RANBP17: variants seen among roughly 807,000 people sequenced by gnomAD.
The protein encoded by RANBP17 is RAN binding protein 17, also known as ran-binding protein 17.
In RANBP17, 158 loss-of-function variants were observed where a neutral mutation model predicts 141.2. The ratio of observed to expected loss-of-function variants is 1.12; its 90% CI spans 0.98 to 1.28. RANBP17 has a LOEUF of 1.28. Among genes scored for constraint, RANBP17 ranks in the 50% most tolerant of loss-of-function variants. RANBP17 has a pLI of 0.00. For synonymous variants in RANBP17, 430 were observed against 450.0 expected (o/e 0.96, Z 0.56); for missense variants, 1,438 against 1,290.7 (o/e 1.11, Z -1.75).
intron 1 of RANBP17, among the ~76,000 whole-genome samples, chr5:170,872,868 C>T (rs1767864183): frequency 6.6e-6 from 1 of 152,096 alleles, no homozygotes; most frequent in South Asian, 2.1e-4. Context: ...AGCTTTGCAT[C>T]CCAGGGATGA....
At chr5:171,087,365 A>G (rs1315689878) in intron 14 of RANBP17, among the ~76,000 whole-genome samples, 2 of 152,036 alleles carry the variant, frequency 1.3e-5, no homozygotes, top group East Asian at 3.9e-4. Flanking sequence ...ACATTTGCTG[A>G]GGAGAGCTTT....
At chr5:171,182,887 A>G (rs1289623783) in intron 16 of RANBP17, among the ~76,000 whole-genome samples, 1 of 152,188 alleles carries the variant, frequency 6.6e-6, no homozygotes, top group African/African-American at 2.4e-5. Context: ...TTAATTTTCC[A>G]CTATCAAGAC....
chr5:170,906,533 C>T (rs941775090), intron 5 of RANBP17, among the ~76,000 whole-genome samples: 3 of 151,952 alleles, frequency 2.0e-5, no homozygotes, highest in African/African-American at 7.2e-5. Flanking sequence ...AGATGGACTC[C>T]TCTGGGCTCA....
At chr5:171,133,844 G>A (rs1757092730) in intron 14 of RANBP17, among the ~76,000 whole-genome samples, 1 of 152,160 alleles carries the variant, frequency 6.6e-6, no homozygotes, top group African/African-American at 2.4e-5. Flanking sequence ...TCAGGTTGTG[G>A]CTGTGCATTG....
At chr5:171,153,525 T>A (rs1207508784) in intron 14 of RANBP17, among the ~76,000 whole-genome samples, 2 of 152,198 alleles carry the variant, frequency 1.3e-5, no homozygotes, top group Non-Finnish European at 2.9e-5. Context: ...TTCAATGTAA[T>A]GAGGCCCATG....
intron 12 of RANBP17, among the ~76,000 whole-genome samples, chr5:170,939,575 G>A (rs1774167055): frequency 6.6e-6 from 1 of 151,802 alleles, no homozygotes; most frequent in African/African-American, 2.4e-5. Flanking sequence ...TAGTAGAGAC[G>A]GAGTTTCGCC....
chr5:171,035,041 A>T (rs1015886941), intron 14 of RANBP17, among the ~76,000 whole-genome samples: 3 of 152,184 alleles, frequency 2.0e-5, no homozygotes, highest in East Asian at 1.9e-4. Context: ...TAAGAAAATT[A>T]AAAAAGAGTA....
At chr5:170,875,612 T>C (rs1768112319) in intron 1 of RANBP17, among the ~76,000 whole-genome samples, 1 of 152,214 alleles carries the variant, frequency 6.6e-6, no homozygotes, top group Non-Finnish European at 1.5e-5. Context: ...TTGATACTTG[T>C]GTATGCTTCA....
chr5:171,046,715 T>C (rs1489162362), intron 14 of RANBP17, among the ~76,000 whole-genome samples: 3 of 152,138 alleles, frequency 2.0e-5, no homozygotes, highest in African/African-American at 7.2e-5. Context: ...CACAAAATTA[T>C]ATGGTTGGAT....
chr5:171,192,733 A>C (rs1187195212), intron 18 of RANBP17, among the ~76,000 whole-genome samples: 2 of 152,172 alleles, frequency 1.3e-5, no homozygotes, highest in African/African-American at 4.8e-5. Flanking sequence ...CCTCAAAATG[A>C]GGCAAGTTTG....
At chr5:171,166,362 T>G (rs1200915912) in intron 14 of RANBP17, among the ~76,000 whole-genome samples, 1 of 152,146 alleles carries the variant, frequency 6.6e-6, no homozygotes, top group Non-Finnish European at 1.5e-5. Flanking sequence ...TCATTTTTCA[T>G]TGTGATGAGA....
At chr5:171,003,045 G>T (rs909499410) in intron 14 of RANBP17, among the ~76,000 whole-genome samples, 11 of 152,174 alleles carry the variant, frequency 7.2e-5, no homozygotes, top group African/African-American at 2.7e-4. Flanking sequence ...AGAGTGAGTT[G>T]AGCATAGTTT....
chr5:171,195,192 CTTA>C (rs1203958079), intron 18 of RANBP17, among the ~76,000 whole-genome samples: 1 of 152,000 alleles, frequency 6.6e-6, no homozygotes, highest in African/African-American at 2.4e-5. Flanking sequence ...GTACCTTTGT[CTTA>C]TTAAGAAAAA....
chr5:170,911,990 C>A (rs1771566438), intron 7 of RANBP17, among the ~76,000 whole-genome samples: 1 of 151,902 alleles, frequency 6.6e-6, no homozygotes, highest in Non-Finnish European at 1.5e-5. Context: ...CTTTTCCTCC[C>A]TTTTCTCTAC....
intron 9 of RANBP17, 26 bp downstream of exon 9, chr5:170,916,610 A>G: frequency 7.1e-7 from 1 of 1,416,652 alleles, no homozygotes; most frequent in Non-Finnish European, 9.5e-7. Context: ...TTTAATACTT[A>G]GCATATAGAG....
chr5:171,277,736 G>T (rs1767609810), intron 25 of RANBP17, among the ~76,000 whole-genome samples: 1 of 134,684 alleles, frequency 7.4e-6, no homozygotes, highest in Non-Finnish European at 1.6e-5. Flanking sequence ...TGTAATTATA[G>T]CTCTGAGAAG....
At chr5:171,080,663 G>A (rs987187919) in intron 14 of RANBP17, among the ~76,000 whole-genome samples, 1 of 152,176 alleles carries the variant, frequency 6.6e-6, no homozygotes, top group Non-Finnish European at 1.5e-5. Flanking sequence ...AGGGTTTAAA[G>A]ATGATGGACG....
At chr5:171,155,238 C>A (rs1758817435) in intron 14 of RANBP17, among the ~76,000 whole-genome samples, 1 of 150,458 alleles carries the variant, frequency 6.6e-6, no homozygotes, top group Non-Finnish European at 1.5e-5. Flanking sequence ...ATACAATTAG[C>A]CTTCCCCCAG....
At chr5:170,951,870 A>G (rs1293241998) in intron 12 of RANBP17, among the ~76,000 whole-genome samples, 1 of 152,084 alleles carries the variant, frequency 6.6e-6, no homozygotes, top group African/African-American at 2.4e-5. Context: ...ATTGTTGGAA[A>G]GACTGACAGC....
Sources: gnomAD v4.1 joint callset for allele counts (sites outside exome capture counted in the v4.1 genomes callset) on GRCh38, gnomAD v4.1.1 for gene constraint, MANE v1.5 for transcripts, NCBI Gene and HGNC (gene_info 2026-07-23, HGNC 2026-07-21) for gene names.